Variants in ZNF827 observed in about 807,000 individuals in gnomAD.
ZNF827 encodes the protein zinc finger protein 827.
ZNF827 carries 13 observed loss-of-function variants against 102.4 expected under a neutral mutation model. That is an observed-to-expected ratio of 0.13 (90% CI 0.08 to 0.20). The LOEUF is 0.20. Among genes scored for constraint, ZNF827 ranks in the 10% least tolerant of loss-of-function variants. The pLI, the probability that ZNF827 is intolerant of heterozygous loss-of-function variation, is 1.00. For synonymous variants in ZNF827, 523 were observed against 536.2 expected (o/e 0.98, Z 0.34); for missense variants, 1,103 against 1,344.4 (o/e 0.82, Z 2.81).
In ZNF827 at chr4:145,903,904, T is replaced by C. The variant is rs370817759; in HGVS notation, c.44-689A>G. ...ACTACTCACATTTCTGGCTTCTGAC[T>C]GTGACAGTACCTCCCATGTTATGCA... is the stretch of plus-strand genomic sequence containing the variant. On this transcript the variant is annotated intron_variant, in intron 1 of 14. Coordinates refer to ENST00000508784, the MANE Select transcript of ZNF827 (RefSeq NM_001306215.2). Among the ~76,000 whole-genome samples the C allele has an allele frequency of 4.6e-5, 7 of 152,348 alleles. No individual in the cohort carries two copies. The South Asian group carries it at 1.4e-3, about 32-fold the overall frequency.
chr4:145,846,489 C>G (rs1208477801), intron 6 of ZNF827, among the ~76,000 whole-genome samples: 1 of 140,494 alleles, frequency 7.1e-6, no homozygotes, highest in Admixed American at 7.1e-5. Flanking sequence ...AACAAACAAA[C>G]AAACAAAAAA....
chr4:145,885,650 G>C, intron 4 of ZNF827, 28 bp downstream of exon 4: 1 of 1,301,482 alleles, frequency 7.7e-7, no homozygotes, highest in Non-Finnish European at 1.0e-6. Flanking sequence ...GAGAGAGAGA[G>C]AGAGAGAATA....
chr4:145,884,926 A>G (rs923030540), intron 4 of ZNF827, among the ~76,000 whole-genome samples: 1 of 152,130 alleles, frequency 6.6e-6, no homozygotes, highest in African/African-American at 2.4e-5. Context: ...TCAAAGACAT[A>G]AAGTAGTGGC....
In ZNF827 at chr4:145,785,127, C is replaced by G. The variant is rs75356198; in HGVS notation, c.2384-5616G>C. ...AAGCACTTTTGTCCTTACAGTATGGCTAGAAAAGTAGGAACACAGTGTAAG... is the reference window on the plus strand; with the variant it reads ...AAGCACTTTTGTCCTTACAGTATGGGTAGAAAAGTAGGAACACAGTGTAAG... On this transcript the variant is annotated intron_variant, in intron 8 of 14. Coordinates refer to ENST00000508784, the MANE Select transcript of ZNF827 (RefSeq NM_001306215.2). Among the ~76,000 whole-genome samples the G allele has an allele frequency of 0.023, 3,560 of 152,194 alleles. 394 individuals carry two copies. In the East Asian group the frequency reaches 0.35, roughly 15 times the overall value.
chr4:145,875,863 AG>A (rs970198743), intron 4 of ZNF827, among the ~76,000 whole-genome samples: 1 of 152,232 alleles, frequency 6.6e-6, no homozygotes, highest in Non-Finnish European at 1.5e-5. Context: ...GATATGCTTC[AG>A]GGGTTCCAAC....
At chr4:145,827,983 TA>T (rs1292695511) in intron 7 of ZNF827, among the ~76,000 whole-genome samples, 1 of 152,074 alleles carries the variant, frequency 6.6e-6, no homozygotes, top group African/African-American at 2.4e-5. Context: ...AGCACTTCAG[TA>T]AGGGGTGGTG....
At chr4:145,836,013 C>T (rs1271439777) in intron 7 of ZNF827, among the ~76,000 whole-genome samples, 4 of 151,340 alleles carry the variant, frequency 2.6e-5, no homozygotes, top group Non-Finnish European at 5.9e-5. Context: ...GCTTTCTTTA[C>T]TATTCCTTTG....
Position 145,765,465 on chromosome 4 carries a change from G to T in ZNF827, c.3052+82C>A. On this transcript the variant is annotated intron_variant, in intron 12 of 14. Coordinates refer to ENST00000508784, the MANE Select transcript of ZNF827 (RefSeq NM_001306215.2). The surrounding 1 kb of genome is among the most constrained non-coding windows in gnomAD (Gnocchi z 4.7). ...GGGCCTATTATCAGTTTTTGACATC[G>T]CTCCTGTGCAGGGCTTATTCTCAAG... The T allele has an allele frequency of 1.4e-6, 2 of 1,469,794 alleles. No individual in the cohort carries two copies. The highest frequency in any genetic ancestry group is 1.8e-6 in the Non-Finnish European group (2 of 1,095,776). The allele number at this position is 1,469,794 out of a possible 1,614,324, so 91.0% of individuals were successfully genotyped here.
intron 8 of ZNF827, among the ~76,000 whole-genome samples, chr4:145,783,966 T>A (rs1738483379): frequency 6.6e-6 from 1 of 152,192 alleles, no homozygotes. Flanking sequence ...ATGGTCTCTC[T>A]GGTGCTGTTC....
At chr4:145,932,231 G>A (rs558337276) in intron 1 of ZNF827, among the ~76,000 whole-genome samples, 24 of 152,280 alleles carry the variant, frequency 1.6e-4, no homozygotes, top group Non-Finnish European at 3.1e-4. Flanking sequence ...TGTTATAGCA[G>A]CCAACGGTCT....
In ZNF827 at chr4:145,902,399, G is replaced by A; in HGVS notation, c.860C>T (p.Ser287Leu). The A allele has an allele frequency of 6.2e-7, 1 of 1,614,148 alleles. No homozygotes were observed. The highest frequency in any genetic ancestry group is 8.5e-7 in the Non-Finnish European group (1 of 1,180,026). The change falls in exon 2 of 15, where the codon TCA (serine) becomes TTA (leucine). Residue 287 changes from serine to leucine, a missense_variant. Ser to Leu is a moderately radical substitution (Grantham distance 145, BLOSUM62 -2). This residue lies in a region of ZNF827 where 441 missense variants were observed against 458.6 expected (regional missense o/e 0.96). Coordinates refer to ENST00000508784, the MANE Select transcript of ZNF827 (RefSeq NM_001306215.2). This position sits in a 1 kb window ranked among gnomAD's most constrained non-coding sequence, Gnocchi z 4.3. ...SFLSLASMTS[S>L]AALLKEVAAR... Reference sequence around the variant, plus strand: ...GGCCACCTCCTTCAGAAGGGCCGCTGAGGAGGTCATAGAAGCCAGGGAAAG... The same window carrying A: ...GGCCACCTCCTTCAGAAGGGCCGCTAAGGAGGTCATAGAAGCCAGGGAAAG...
In ZNF827 at chr4:145,758,007, T is replaced by A. The variant is rs1464245856; in HGVS notation, c.*3609A>T. The A allele has an allele frequency of 6.6e-6, 1 of 152,312 alleles. No individual in the cohort carries two copies. Among genetic ancestry groups the A allele is most frequent in the African/African-American group, 2.4e-5 (1 of 41,564 alleles). 9.4% of individuals were successfully genotyped at this position (152,312 alleles called of 1,614,324 possible). On this transcript the variant is annotated 3_prime_UTR_variant, in exon 15 of 15. Coordinates refer to ENST00000508784, the MANE Select transcript of ZNF827 (RefSeq NM_001306215.2). Reference sequence around the variant, plus strand: ...GTGTTTTATACGGAAAGGATATCTATGGAATACATCCTTCCCTGAGTATCA... The same window carrying A: ...GTGTTTTATACGGAAAGGATATCTAAGGAATACATCCTTCCCTGAGTATCA...
chr4:145,855,755 C>T (rs1313117465), intron 5 of ZNF827, among the ~76,000 whole-genome samples: 1 of 152,150 alleles, frequency 6.6e-6, no homozygotes, highest in Non-Finnish European at 1.5e-5. Context: ...TTGGCTTCTC[C>T]TTCTTAGAGA....
chr4:145,809,847 T>C (rs1436560857), intron 8 of ZNF827, among the ~76,000 whole-genome samples: 1 of 152,050 alleles, frequency 6.6e-6, no homozygotes, highest in Non-Finnish European at 1.5e-5. Context: ...CACCAAATTA[T>C]CCATAAAAAA....
intron 1 of ZNF827, among the ~76,000 whole-genome samples, chr4:145,905,270 G>C (rs1339281688): frequency 6.6e-6 from 1 of 152,162 alleles, no homozygotes; most frequent in Non-Finnish European, 1.5e-5. Flanking sequence ...CATATAGCAT[G>C]CTGTTTCTTT....
intron 2 of ZNF827, among the ~76,000 whole-genome samples, chr4:145,896,459 C>T (rs1362133296): frequency 1.3e-5 from 2 of 152,152 alleles, no homozygotes; most frequent in Non-Finnish European, 2.9e-5. Flanking sequence ...TTGGCTGCAA[C>T]AGGGCCTGGA....
chr4:145,848,556 G>A (rs573815846), intron 6 of ZNF827, among the ~76,000 whole-genome samples: 1 of 152,216 alleles, frequency 6.6e-6, no homozygotes, highest in East Asian at 1.9e-4. Flanking sequence ...GCTTGACTTT[G>A]GACAAGGTAT....
intron 4 of ZNF827, among the ~76,000 whole-genome samples, chr4:145,878,175 T>G (rs2126789795): frequency 6.6e-6 from 1 of 152,322 alleles, no homozygotes; most frequent in South Asian, 2.1e-4. Context: ...AACTCTGGAC[T>G]GTGGCAGACC....
intron 8 of ZNF827, among the ~76,000 whole-genome samples, chr4:145,782,973 A>G (rs2127002987): frequency 6.6e-6 from 1 of 152,300 alleles, no homozygotes; most frequent in Non-Finnish European, 1.5e-5. Flanking sequence ...CCCAAGGTAG[A>G]GTTAGTCATT....
Sources: gnomAD v4.1 joint callset for allele counts (sites outside exome capture counted in the v4.1 genomes callset) on GRCh38, gnomAD v4.1.1 for gene constraint, gnomAD v4.1.1 regional missense constraint, Gnocchi (gnomAD v3.1) non-coding constraint, MANE v1.5 for transcripts, NCBI Gene and HGNC (gene_info 2026-07-23, HGNC 2026-07-21) for gene names.